FOXN2: variants seen among roughly 807,000 people sequenced by gnomAD.
FOXN2 encodes the protein forkhead box protein N2.
In FOXN2, 19 loss-of-function variants were observed where a neutral mutation model predicts 41.2. The observed-to-expected ratio is 0.46, with a 90% CI of 0.32 to 0.68. The LOEUF (loss-of-function observed/expected upper bound fraction) is 0.68, where lower values mean the gene tolerates loss of function less well. Ranked by LOEUF, FOXN2 falls within the 30% of genes least tolerant of loss-of-function variation. The probability of loss-of-function intolerance (pLI) is 0.03; values close to 1 mark genes in which losing one functional copy is unlikely to be tolerated. For missense variants in FOXN2, 587 were observed against 509.4 expected (o/e 1.15, Z -1.47); for synonymous variants, 195 against 176.8 (o/e 1.10, Z -0.82).
intron 3 of FOXN2, among the ~76,000 whole-genome samples, chr2:48,352,342 A>G (rs1261896266): frequency 6.6e-6 from 1 of 152,148 alleles, no homozygotes. Context: ...CTAAAACTGC[A>G]TTATATGACA....
chr2:48,322,772 C>A (rs1416216525), intron 1 of FOXN2, among the ~76,000 whole-genome samples: 1 of 148,192 alleles, frequency 6.7e-6, no homozygotes, highest in Non-Finnish European at 1.5e-5. Flanking sequence ...ATATATAATA[C>A]AATATATATA....
intron 2 of FOXN2, among the ~76,000 whole-genome samples, chr2:48,335,766 G>C (rs1670299111): frequency 6.6e-6 from 1 of 152,092 alleles, no homozygotes; most frequent in Non-Finnish European, 1.5e-5. Flanking sequence ...GGTGGCTCAC[G>C]CCTGTAATCC....
At chr2:48,326,940 A>G (rs1669716629) in intron 1 of FOXN2, among the ~76,000 whole-genome samples, 1 of 152,218 alleles carries the variant, frequency 6.6e-6, no homozygotes, top group Non-Finnish European at 1.5e-5. Flanking sequence ...ATTTTGGATA[A>G]GGAGTGAGTA....
At chr2:48,322,812 T>C (rs1388984774) in intron 1 of FOXN2, among the ~76,000 whole-genome samples, 2 of 149,296 alleles carry the variant, frequency 1.3e-5, no homozygotes, top group African/African-American at 4.9e-5. Flanking sequence ...ATAATTTTTT[T>C]AAGTTTACTT....
chr2:48,340,804 C>T (rs957381915), intron 2 of FOXN2: 10 of 152,128 alleles, frequency 6.6e-5, no homozygotes, highest in Non-Finnish European at 1.3e-4. Context: ...TCATTGGCTA[C>T]GATACTGCTA....
intron 5 of FOXN2, among the ~76,000 whole-genome samples, chr2:48,371,065 C>G (rs1045754293): frequency 6.6e-6 from 1 of 152,096 alleles, no homozygotes; most frequent in African/African-American, 2.4e-5. Flanking sequence ...TGTCTTTCCC[C>G]CAGTTAGTAT....
intron 1 of FOXN2, among the ~76,000 whole-genome samples, chr2:48,325,232 T>C (rs1243792646): frequency 6.7e-6 from 1 of 149,976 alleles, no homozygotes; most frequent in Non-Finnish European, 1.5e-5. Flanking sequence ...GTTTAATCCT[T>C]CTCTATGTGT....
chr2:48,313,853 T>C (rs1668701529), upstream of FOXN2, among the ~76,000 whole-genome samples: 1 of 152,208 alleles, frequency 6.6e-6, no homozygotes. Context: ...CGGGATATTC[T>C]TATATTTTTA....
chr2:48,327,550 A>G (rs1171298901), intron 1 of FOXN2, among the ~76,000 whole-genome samples: 1 of 151,842 alleles, frequency 6.6e-6, no homozygotes, highest in African/African-American at 2.4e-5. Flanking sequence ...GGTTCAAGGG[A>G]TTCTCCTGCC....
rs186973080 is a variant in FOXN2 at position 48,358,078 on chromosome 2, C to T, written c.538-969C>T. ...CTCAATTGCTACACCTTTTCACAGG[C>T]AAAAGGTTTTATTCTCTCCTAAATT... On this transcript the variant is annotated intron_variant, in intron 3 of 6. Coordinates refer to ENST00000340553, the MANE Select transcript of FOXN2 (RefSeq NM_002158.4). 2.0e-5 allele frequency among the ~76,000 whole-genome samples: 3 copies of T among 152,092 alleles called. No homozygotes were observed. In the East Asian group the frequency reaches 5.8e-4, roughly 29 times the overall value.
At chr2:48,350,865 T>C (rs1208389275) in intron 3 of FOXN2, among the ~76,000 whole-genome samples, 1 of 152,194 alleles carries the variant, frequency 6.6e-6, no homozygotes, top group Non-Finnish European at 1.5e-5. Context: ...GGGTGTTGTT[T>C]TTTTCTTACA....
rs1046526096 is a variant in FOXN2 at position 48,350,050 on chromosome 2, A to G, written c.537+3299A>G. On this transcript the variant is annotated intron_variant, in intron 3 of 6. Coordinates refer to ENST00000340553, the MANE Select transcript of FOXN2 (RefSeq NM_002158.4). ...AGACTGCAGGCAGGCCAGGAAGCCTAAGAGAAACCCTTATGAATGAAGACA... is the reference window on the plus strand; with the variant it reads ...AGACTGCAGGCAGGCCAGGAAGCCTGAGAGAAACCCTTATGAATGAAGACA... Among the ~76,000 whole-genome samples, 11 of 151,974 alleles carry G rather than the reference A, an allele frequency of 7.2e-5. No homozygotes were observed. The South Asian group carries it at 1.2e-3, about 17-fold the overall frequency.
intron 3 of FOXN2, among the ~76,000 whole-genome samples, chr2:48,347,731 C>CTATTGGATTAA (rs1343817129): frequency 1.3e-5 from 2 of 152,134 alleles, no homozygotes; most frequent in Non-Finnish European, 2.9e-5. Context: ...ACCTGATGCC[C>CTATTGGATTAA]TATTGGATTA....
chr2:48,319,391 A>G (rs1321563468), intron 1 of FOXN2, among the ~76,000 whole-genome samples: 1 of 152,124 alleles, frequency 6.6e-6, no homozygotes, highest in African/African-American at 2.4e-5. Flanking sequence ...AACATTGGGA[A>G]TGTTACTGGG....
At chr2:48,318,049 A>T (rs542413760) in intron 1 of FOXN2, among the ~76,000 whole-genome samples, 2 of 152,130 alleles carry the variant, frequency 1.3e-5, no homozygotes, top group African/African-American at 4.8e-5. Flanking sequence ...TATTTCCCTT[A>T]CCCTAACTTT....
At chr2:48,348,204 A>G (rs921968426) in intron 3 of FOXN2, among the ~76,000 whole-genome samples, 7 of 151,620 alleles carry the variant, frequency 4.6e-5, no homozygotes, top group African/African-American at 1.5e-4. Flanking sequence ...ACCATTTGCT[A>G]TTTGTCTTAC....
intron 3 of FOXN2, among the ~76,000 whole-genome samples, chr2:48,347,530 GTGT>G (rs1342262425): frequency 1.5e-5 from 2 of 133,656 alleles, no homozygotes; most frequent in Non-Finnish European, 3.3e-5. Flanking sequence ...CCCAGCCGAG[GTGT>G]TGTGTGTGTG....
At chr2:48,323,308 C>T (rs1424730012) in intron 1 of FOXN2, among the ~76,000 whole-genome samples, 2 of 152,164 alleles carry the variant, frequency 1.3e-5, no homozygotes, top group Non-Finnish European at 2.9e-5. Flanking sequence ...TTTGAGGAAA[C>T]TCGATACCGT....
chr2:48,340,110 G>T (rs530622963), intron 2 of FOXN2, among the ~76,000 whole-genome samples: 110 of 152,056 alleles, frequency 7.2e-4, no homozygotes, highest in Non-Finnish European at 1.4e-3. Flanking sequence ...TTGTTAACTC[G>T]GTCTTTAATC....
Sources: allele counts gnomAD v4.1 joint callset (sites outside exome capture counted in the v4.1 genomes callset), GRCh38; gene constraint gnomAD v4.1.1; transcripts MANE v1.5; gene names NCBI Gene and HGNC (gene_info 2026-07-23, HGNC 2026-07-21).